The following NAPRT variants were observed in gnomAD, a reference collection of about 807,000 sequenced individuals.
NAPRT encodes the protein FHA-HIT-interacting protein.
Under a neutral mutation model 60.7 loss-of-function variants are expected in NAPRT, and 66 were observed. The ratio of observed to expected loss-of-function variants is 1.09; its 90% confidence interval spans 0.89 to 1.33. The LOEUF (loss-of-function observed/expected upper bound fraction) is 1.33, where lower values mean the gene tolerates loss of function less well. NAPRT is among the 40% of genes most tolerant of loss of function. The pLI, the probability that NAPRT is intolerant of heterozygous loss-of-function variation, is 0.00. For missense variants in NAPRT, 818 were observed against 731.5 expected (o/e 1.12, Z -1.36); for synonymous variants, 405 against 335.7 (o/e 1.21, Z -2.26).
intron 8 of NAPRT, 69 bp from the exon 9 acceptor site, chr8:143,575,771 G>C: frequency 1.2e-6 from 1 of 841,006 alleles, no homozygotes. Flanking sequence ...ACTGCCCTGG[G>C]TGGGGAAGGA....
downstream of NAPRT, chr8:143,572,949 C>G: frequency 2.0e-6 from 1 of 505,468 alleles, no homozygotes; most frequent in Non-Finnish European, 3.5e-6. Context: ...TGGTGTGGCT[C>G]TACCCACCAG....
Position 143,577,826 on chromosome 8 carries a change from GC to G in NAPRT, c.343del (p.Ala115ProfsTer43). The part of the protein sequence containing the change: ...TVRALPEGSL[A>X]FPGVPLLQVS... ...CTTACCCCTACTCACTCCGGGGAAG[GC>G]GAGGGAGCCCTCGGGCAGGGCTCGC... On this transcript the variant is annotated frameshift_variant, in exon 2 of 13. Transcript: ENST00000449291. LOFTEE classifies it high-confidence loss of function. 1 of 1,609,128 alleles carries G rather than the reference GC, an allele frequency of 6.2e-7. No homozygotes were observed. The highest frequency in any genetic ancestry group is 1.1e-5 in the South Asian group (1 of 90,714).
In NAPRT at chr8:143,575,017, T is replaced by C; in HGVS notation, c.1523A>G (p.His508Arg). 6.6e-7 allele frequency: 1 copy of C among 1,517,676 alleles called. No homozygotes were observed. Among genetic ancestry groups the C allele is most frequent in the Non-Finnish European group, 8.9e-7 (1 of 1,128,440 alleles). 94.0% of individuals were successfully genotyped at this position (1,517,676 alleles called of 1,614,324 possible). A position where few individuals can be genotyped will look rare whatever the true frequency, so the allele number is the denominator to read the frequency against. The change falls in exon 12 of 13, where the codon CAC (histidine) becomes CGC (arginine). Residue 508 changes from histidine to arginine, a missense_variant. By Grantham distance (29) the His-to-Arg change is conservative. Coordinates refer to ENST00000449291, the MANE Select transcript of NAPRT (RefSeq NM_145201.6). Reference protein sequence around the residue: ...QLSLSRLSPEHRRLRSPAQYQ... With the variant: ...QLSLSRLSPERRRLRSPAQYQ... ...CTGTGCAGGGCTCCGCAGCCGCCTG[T>C]GCTCAGGGCTGAGTCGGCTCAGGGA...
intron 8 of NAPRT, among the ~76,000 whole-genome samples, 163 bp from the exon 9 acceptor site, chr8:143,575,865 T>A (rs1587048250): frequency 1.5e-5 from 1 of 66,428 alleles, no homozygotes; most frequent in African/African-American, 7.7e-5. Context: ...GGGAAGGAGG[T>A]GGCACTGCCC....
chr8:143,575,602 GC>G lies in NAPRT; in HGVS notation c.1188+19del. ...ATCCCTCAGACCTGCCCCCACCTGG[GC>G]CCCCGACACTGTCCCTACCTTATAG... On this transcript the variant is annotated intron_variant, in intron 9 of 12. Transcript: ENST00000449291. 6.3e-7 allele frequency: 1 copy of G among 1,585,436 alleles called. No homozygotes were observed. The highest frequency in any genetic ancestry group is 8.6e-7 in the Non-Finnish European group (1 of 1,165,374).
At position 143,576,512 on chromosome 8, in the gene NAPRT, T is replaced by C. The variant is rs562168241; in HGVS notation, c.942A>G (p.Ala314=). ...CACCACTGTCCAGCCTCACGCCCAC[T>C]GCCCGGTAGCCCAGCTCTCCCAGGG... The part of the protein sequence containing the change: ...ALALGELGYR[A]VGVRLDSGDL... The change falls in exon 7 of 13, where the codon GCA becomes GCG. Residue 314 remains alanine (A), a synonymous_variant. Coordinates refer to ENST00000449291, the MANE Select transcript of NAPRT (RefSeq NM_145201.6). 2.7e-5 allele frequency: 43 copies of C among 1,612,512 alleles called. 1 individual carries two copies. Among genetic ancestry groups the C allele is most frequent in the South Asian group, 2.1e-4 (19 of 91,040 alleles).
downstream of NAPRT, chr8:143,573,115 A>C (rs1824169059): frequency 5.0e-6 from 1 of 200,476 alleles, no homozygotes; most frequent in Admixed American, 6.0e-5. Context: ...TCTGGGCCCC[A>C]CCCTGAGTCG....
chr8:143,578,013 G>T (rs902749358), intron 1 of NAPRT, 70 bp from the exon 2 acceptor site: 5 of 1,544,702 alleles, frequency 3.2e-6, no homozygotes, highest in Non-Finnish European at 4.4e-6. Flanking sequence ...GGGGTTCCAC[G>T]GGGGGACAAG....
chr8:143,577,063 G>C lies in NAPRT; in HGVS notation c.683C>G (p.Pro228Arg), dbSNP rs1352396176. The C allele has an allele frequency of 5.6e-6, 9 of 1,612,428 alleles. No homozygotes were observed. The highest frequency in any genetic ancestry group is 7.6e-6 in the Non-Finnish European group (9 of 1,179,472). ...SFSGSEVPPD[P>R]MLAPAAGEGP... is the part of the protein sequence containing the mutation. ...GCAGGGTTTAGAGGAGGGACTGACC[G>C]GGTCAGGGGGCACCTCGCTGCCTGA... The change falls in exon 5 of 13, where the codon CCG becomes CGG. Residue 228 changes from proline (P) to arginine (R), a missense_variant and splice_region_variant. Coordinates refer to ENST00000449291, the MANE Select transcript of NAPRT (RefSeq NM_145201.6).
chr8:143,575,903 G>A (rs1197806465), intron 8 of NAPRT, among the ~76,000 whole-genome samples, 175 bp downstream of exon 8: 2 of 146,080 alleles, frequency 1.4e-5, no homozygotes, highest in Non-Finnish European at 3.0e-5. Flanking sequence ...AGTGCCCTGG[G>A]TGGGGAAGGG....
At chr8:143,574,636 T>C, downstream of NAPRT, 1 of 678,474 alleles carries the variant, frequency 1.5e-6, no homozygotes, top group Non-Finnish European at 2.6e-6. Context: ...CACAGGGCTG[T>C]CTCCCACGCC....
chr8:143,578,160 G>C lies in NAPRT; in HGVS notation c.159C>G (p.Ala53=). The part of the protein sequence containing the change: ...LFFRRCPFGG[A]FALAAGLRDC... ...CGCGCAAGCCGGCGGCCAAGGCGAA[G>C]GCGCCGCCGAACGGGCAGCGGCGGA... The change falls in exon 1 of 13, where the codon GCC becomes GCG. Residue 53 remains alanine (A), a synonymous_variant. Transcript: ENST00000449291. The C allele has an allele frequency of 6.6e-7, 1 of 1,519,890 alleles. No homozygotes were observed. Among genetic ancestry groups the C allele is most frequent in the Non-Finnish European group, 8.8e-7 (1 of 1,139,766 alleles). The allele number at this position is 1,519,890 out of a possible 1,614,324, so 94.2% of individuals were successfully genotyped here. A position where few individuals can be genotyped will look rare whatever the true frequency, so the allele number is the denominator to read the frequency against.
At chr8:143,573,160 C>T (rs1049100484), downstream of NAPRT, among the ~76,000 whole-genome samples, 2 of 152,134 alleles carry the variant, frequency 1.3e-5, no homozygotes, top group African/African-American at 4.8e-5. Context: ...CAGTCAGCTC[C>T]CCACTGGGCC....
In NAPRT at chr8:143,577,307, T is replaced by A; in HGVS notation, c.530A>T (p.Asp177Val). The A allele has an allele frequency of 6.2e-7, 1 of 1,606,110 alleles. No homozygotes were observed. Among genetic ancestry groups the A allele is most frequent in the South Asian group, 1.1e-5 (1 of 90,124 alleles). The change falls in exon 4 of 13, where the codon GAT (aspartate) becomes GTT (valine). Residue 177 changes from aspartate (D) to valine (V), a missense_variant. Asp to Val is a radical substitution (Grantham distance 152, BLOSUM62 -3). Coordinates refer to ENST00000449291, the MANE Select transcript of NAPRT (RefSeq NM_145201.6). Reference protein sequence around the residue: ...EMGLRRAQGPDGGLTASTYSY... With the variant: ...EMGLRRAQGPVGGLTASTYSY... ...GTAGGTGGAGGCTGTCAGGCCCCCA[T>A]CGGGGCCCTGAGCCCGCCTCAGGCC...
chr8:143,574,780 C>G, downstream of NAPRT: 1 of 1,544,230 alleles, frequency 6.5e-7, no homozygotes, highest in African/African-American at 1.4e-5. Context: ...CAACACAGGA[C>G]AAGCTGTGGG....
intron 5 of NAPRT, 61 bp downstream of exon 5, chr8:143,577,001 G>A (rs1371565743): frequency 1.1e-5 from 17 of 1,572,076 alleles, no homozygotes; most frequent in East Asian, 2.3e-5. Flanking sequence ...CCTCTCGCCA[G>A]GGCAAGGGCT....
chr8:143,578,313 C>A lies in NAPRT; in HGVS notation c.6G>T (p.Ala2=). Residue 2 remains alanine, a synonymous_variant, in exon 1 of 13, where the codon GCG becomes GCT. Transcript: ENST00000449291. ...CGCGCGCCTCGGGGTCCTGCTCCGC[C>A]GCCATCCTGCTCCCGACGTCCGGAC... M[A]AEQDPEARAA... is the part of the protein sequence containing the mutation. 2 of 1,368,074 alleles carry A rather than the reference C, an allele frequency of 1.5e-6. No homozygotes were observed. Among genetic ancestry groups the A allele is most frequent in the Non-Finnish European group, 1.9e-6 (2 of 1,069,656 alleles). 84.7% of individuals were successfully genotyped at this position (1,368,074 alleles called of 1,614,324 possible).
rs973342578 is a variant in NAPRT at position 143,577,881 on chromosome 8, G to A, written c.289C>T (p.Arg97Trp). The A allele has an allele frequency of 1.9e-6, 3 of 1,612,316 alleles. No homozygotes were observed. In the East Asian group the frequency reaches 6.7e-5, roughly 36 times the overall value. Residue 97 changes from arginine (R) to tryptophan (W), a missense_variant, in exon 2 of 13, where the codon CGG (arginine) becomes TGG (tryptophan). Coordinates refer to ENST00000449291, the MANE Select transcript of NAPRT (RefSeq NM_145201.6). ...GTCACCTCGGAGCAGTCGAGGGCCC[G>A]AAGGTGCTCGAAGAACGCAGGATCC... ...DTDPAFFEHL[R>W]ALDCSEVTVR...
Position 143,576,824 on chromosome 8 carries a change from C to T in NAPRT, c.703G>A (p.Gly235Ser). 1 of 1,599,472 alleles carries T rather than the reference C, an allele frequency of 6.3e-7. No individual in the cohort carries two copies. Among genetic ancestry groups the T allele is most frequent in the Non-Finnish European group, 8.5e-7 (1 of 1,172,106 alleles). The change falls in exon 6 of 13, where the codon GGT becomes AGT. Residue 235 changes from glycine to serine, a missense_variant. Transcript: ENST00000449291. ...PPDPMLAPAA[G>S]EGPGVDLAAK... Reference sequence around the variant, plus strand: ...GCCAGGTCCACCCCAGGGCCCTCACCAGCTGCTGGCGCCAACATCTGTGGA... The same window carrying T: ...GCCAGGTCCACCCCAGGGCCCTCACTAGCTGCTGGCGCCAACATCTGTGGA...
Sources: allele counts gnomAD v4.1 joint callset (sites outside exome capture counted in the v4.1 genomes callset), GRCh38; gene constraint gnomAD v4.1.1; transcripts MANE v1.5; gene names NCBI Gene and HGNC (gene_info 2026-07-23, HGNC 2026-07-21).